Variants in TSHR observed in about 807,000 individuals in gnomAD.
The protein encoded by TSHR is thyrotropin receptor.
A neutral mutation model predicts 64.1 loss-of-function variants in TSHR; 51 were observed. The observed-to-expected ratio is 0.80, with a 90% CI of 0.64 to 1.01. The LOEUF is 1.01. Ranked by LOEUF, TSHR falls within the 50% of genes least tolerant of loss-of-function variation. The pLI, the probability that TSHR is intolerant of heterozygous loss-of-function variation, is 0.00. For synonymous variants in TSHR, 361 were observed against 361.9 expected (o/e 1.00, Z 0.03); for missense variants, 877 against 942.8 (o/e 0.93, Z 0.91).
intron 1 of TSHR, among the ~76,000 whole-genome samples, chr14:81,042,631 G>A (rs1374079259): frequency 1.3e-5 from 2 of 151,304 alleles, no homozygotes; most frequent in Admixed American, 6.6e-5. Flanking sequence ...ACCACAGGCA[G>A]AAGAGTGTAG....
rs1161879777 is a variant in TSHR, at chr14:81,122,020, C to CTTTTTTTT, written c.692+13602_692+13609dup. The stretch of plus-strand genomic sequence containing the variant: ...CTGGTTTGAGATGTGTTTTCTTTTC[C>CTTTTTTTT]TTTTTTTTTTTTTTTTTTTTTTTTT... On this transcript the variant is annotated intron_variant, in intron 8 of 9. Coordinates refer to ENST00000298171, the MANE Select transcript of TSHR (RefSeq NM_000369.5). 4.9e-4 allele frequency among the ~76,000 whole-genome samples: 22 copies of CTTTTTTTT among 44,904 alleles called. 8 individuals are homozygous for CTTTTTTTT. Among genetic ancestry groups the CTTTTTTTT allele is most frequent in the South Asian group, 1.9e-3 (2 of 1,042 alleles). The allele number at this position is 44,904 out of a possible 152,430, so 29.5% of individuals were successfully genotyped here. A position where few individuals can be genotyped will look rare whatever the true frequency, so the allele number is the denominator to read the frequency against.
intron 3 of TSHR, among the ~76,000 whole-genome samples, chr14:81,078,150 C>T (rs1194997979): frequency 6.6e-6 from 1 of 151,794 alleles, no homozygotes; most frequent in Non-Finnish European, 1.5e-5. Context: ...AGTGTCCATG[C>T]CCTTCTGTAG....
chr14:81,074,503 G>A (rs986995068), intron 3 of TSHR, among the ~76,000 whole-genome samples: 1 of 152,162 alleles, frequency 6.6e-6, no homozygotes, highest in East Asian at 1.9e-4. Context: ...ATGAAACTGA[G>A]TATCGATATA....
At chr14:81,110,557 G>A (rs556177599) in intron 8 of TSHR, among the ~76,000 whole-genome samples, 10 of 152,258 alleles carry the variant, frequency 6.6e-5, no homozygotes, top group African/African-American at 2.4e-4. Flanking sequence ...GCCAATCTGT[G>A]GTATTTTGTT....
chr14:81,113,041 G>C (rs1169097989), intron 8 of TSHR, among the ~76,000 whole-genome samples: 2 of 152,154 alleles, frequency 1.3e-5, no homozygotes, highest in African/African-American at 4.8e-5. Flanking sequence ...GCATAGGTGT[G>C]TCACAGTCTG....
intron 1 of TSHR, among the ~76,000 whole-genome samples, chr14:81,015,916 T>A (rs1428528611): frequency 6.6e-6 from 1 of 152,142 alleles, no homozygotes; most frequent in Non-Finnish European, 1.5e-5. Context: ...TAACATAACG[T>A]CCTCTAGTTT....
At chr14:81,020,494 T>G (rs1417451025) in intron 1 of TSHR, among the ~76,000 whole-genome samples, 1 of 152,206 alleles carries the variant, frequency 6.6e-6, no homozygotes, top group Admixed American at 6.5e-5. Flanking sequence ...GAACTGCACA[T>G]GCGAGGGACC....
chr14:80,985,236 C>A (rs1003716573), intron 1 of TSHR, among the ~76,000 whole-genome samples: 2 of 152,172 alleles, frequency 1.3e-5, no homozygotes, highest in African/African-American at 2.4e-5. Flanking sequence ...GGCGACAGAG[C>A]GAGACTCCGT....
chr14:80,958,457 C>T (rs1282964137), intron 1 of TSHR, among the ~76,000 whole-genome samples: 2 of 152,104 alleles, frequency 1.3e-5, no homozygotes, highest in African/African-American at 4.8e-5. Flanking sequence ...TGGTCATAGG[C>T]TTTGGAGAAA....
At position 81,139,736 on chromosome 14, in the gene TSHR, G is replaced by T. The variant is rs1386056847; in HGVS notation, c.750G>T (p.Lys250Asn). The T allele has an allele frequency of 6.2e-7, 1 of 1,614,078 alleles. No homozygotes were observed. The highest frequency in any genetic ancestry group is 1.7e-5 in the Admixed American group (1 of 60,002). ...ALPSKGLEHLKELIARNTWTL... is the reference protein window; with the variant it reads ...ALPSKGLEHLNELIARNTWTL... ...CATCCAAAGGCCTGGAGCACCTGAA[G>T]GAACTGATAGCAAGAAACACCTGGA... The change falls in exon 9 of 10, where the codon AAG becomes AAT. Residue 250 changes from lysine (K) to asparagine (N), a missense_variant. By Grantham distance (94) the Lys-to-Asn change is moderately conservative (BLOSUM62 0). Coordinates refer to ENST00000298171, the MANE Select transcript of TSHR (RefSeq NM_000369.5).
At chr14:81,062,261 T>C in intron 2 of TSHR, 42 bp downstream of exon 2, 1 of 1,457,090 alleles carries the variant, frequency 6.9e-7, no homozygotes, top group Non-Finnish European at 9.6e-7. Flanking sequence ...ATTTGTGATA[T>C]GTTATTCTCT....
chr14:81,043,742 G>T (rs954278632), intron 1 of TSHR, among the ~76,000 whole-genome samples: 3 of 152,072 alleles, frequency 2.0e-5, no homozygotes, highest in African/African-American at 7.2e-5. Flanking sequence ...CAGACACATA[G>T]ACCAATGGAA....
chr14:81,137,313 C>T (rs1337977962), intron 8 of TSHR, among the ~76,000 whole-genome samples: 1 of 152,174 alleles, frequency 6.6e-6, no homozygotes, highest in African/African-American at 2.4e-5. Context: ...ATGCTGTCTC[C>T]ATCACTTAGA....
intron 1 of TSHR, among the ~76,000 whole-genome samples, chr14:81,061,861 CAAAT>C (rs1204281026): frequency 3.9e-5 from 6 of 151,948 alleles, no homozygotes; most frequent in Non-Finnish European, 2.9e-5. Context: ...CTTCAGTTAA[CAAAT>C]AAAGTGTGAT....
At chr14:80,992,172 C>T (rs2300518) in intron 1 of TSHR, 19,215 of 152,112 alleles carry the variant, frequency 0.13, 1,617 homozygotes, top group East Asian at 0.43. Context: ...GAGGCCGAGG[C>T]GGGCAGATCA....
At chr14:81,019,792 T>A (rs1163955304) in intron 1 of TSHR, among the ~76,000 whole-genome samples, 2 of 152,182 alleles carry the variant, frequency 1.3e-5, no homozygotes, top group Non-Finnish European at 2.9e-5. Flanking sequence ...CATGAACTCA[T>A]CCTTTTTTAT....
intron 1 of TSHR, chr14:81,053,900 G>C (rs896682796): frequency 6.6e-6 from 1 of 152,178 alleles, no homozygotes; most frequent in Non-Finnish European, 1.5e-5. Context: ...ATTTGTCTCA[G>C]AAACATTATG....
At chr14:81,005,300 G>C (rs1889545699) in intron 1 of TSHR, among the ~76,000 whole-genome samples, 1 of 151,248 alleles carries the variant, frequency 6.6e-6, no homozygotes, top group Non-Finnish European at 1.5e-5. Context: ...AAATATATTG[G>C]CACTCTGAAA....
chr14:81,108,863 T>C (rs1890090131), intron 8 of TSHR: 1 of 1,464,982 alleles, frequency 6.8e-7, no homozygotes, highest in African/African-American at 1.4e-5. Context: ...AGGAAGAATA[T>C]AAATGATAGT....
Sources: allele counts gnomAD v4.1 joint callset (sites outside exome capture counted in the v4.1 genomes callset), GRCh38; gene constraint gnomAD v4.1.1; transcripts MANE v1.5; gene names NCBI Gene and HGNC (gene_info 2026-07-23, HGNC 2026-07-21).